C1orf159: variants seen among roughly 807,000 people sequenced by gnomAD.
The protein encoded by C1orf159 is chromosome 1 open reading frame 159, also known as uncharacterized protein C1orf159.
C1orf159 carries 19 observed loss-of-function variants against 25.6 expected under a neutral mutation model. That is an observed-to-expected ratio of 0.74 (90% CI 0.52 to 1.09). The LOEUF (loss-of-function observed/expected upper bound fraction) is 1.09. Among genes scored for constraint, C1orf159 ranks in the 50% least tolerant of loss-of-function variants. The pLI is 0.00. For missense variants in C1orf159, 274 were observed against 290.6 expected (o/e 0.94, Z 0.42); for synonymous variants, 139 against 124.7 (o/e 1.12, Z -0.77).
rs1255752075 is a variant in C1orf159 at position 1,087,215 on chromosome 1, G to C, written c.245-11C>G. The C allele has an allele frequency of 3.1e-6, 5 of 1,602,940 alleles. No individual in the cohort carries two copies. Among genetic ancestry groups the C allele is most frequent in the Non-Finnish European group, 4.3e-6 (5 of 1,175,448 alleles). Reference sequence around the variant, plus strand: ...CACCCGGGCCAGCAACTGTGGGATAGCAGAACTGTGGGAAGCCTGTGTGCA... The same window carrying C: ...CACCCGGGCCAGCAACTGTGGGATACCAGAACTGTGGGAAGCCTGTGTGCA... On this transcript the variant is annotated splice_polypyrimidine_tract_variant and intron_variant, in intron 5 of 9. Transcript: ENST00000421241. This position sits in a 1 kb window ranked among gnomAD's most constrained non-coding sequence, Gnocchi z 8.3.
chr1:1,089,890 C>T lies in C1orf159; in HGVS notation c.148+463G>A, dbSNP rs72631896. ...GAACCTCTGATGAACAGGGCCTGCC[C>T]GTGGCACGCTGACACAGGCCGGCAT... On this transcript the variant is annotated intron_variant, in intron 4 of 9. Coordinates refer to ENST00000421241, the MANE Select transcript of C1orf159 (RefSeq NM_017891.5). The surrounding 1 kb of genome is among the most constrained non-coding windows in gnomAD (Gnocchi z 7.5). 0.052 allele frequency among the ~76,000 whole-genome samples: 7,899 copies of T among 152,306 alleles called. 292 individuals carry two copies. The highest frequency in any genetic ancestry group is 0.085 in the Non-Finnish European group (5,799 of 68,024).
At chr1:1,099,571 TC>T (rs1296669251) in intron 1 of C1orf159, among the ~76,000 whole-genome samples, 1 of 150,688 alleles carries the variant, frequency 6.6e-6, no homozygotes, top group East Asian at 2.0e-4. Context: ...GGTTAAAATC[TC>T]CGACTATGAT....
intron 9 of C1orf159, 48 bp from the exon 10 acceptor site, chr1:1,083,035 A>C: frequency 2.7e-6 from 4 of 1,482,040 alleles, no homozygotes; most frequent in South Asian, 2.5e-5. Context: ...CCTGGACAGC[A>C]GGGACAGTGC....
At chr1:1,092,802 G>A (rs1335728447) in intron 1 of C1orf159, 2 of 152,402 alleles carry the variant, frequency 1.3e-5, no homozygotes, top group African/African-American at 2.4e-5. Context: ...GTGTGAGCCT[G>A]CCGGAGGACT....
At position 1,085,996 on chromosome 1, in the gene C1orf159, G is replaced by A. The variant is rs759835194; in HGVS notation, c.327C>T (p.Ala109=). 1.2e-5 allele frequency: 20 copies of A among 1,612,962 alleles called. No individual in the cohort carries two copies. The highest frequency in any genetic ancestry group is 4.5e-5 in the East Asian group (2 of 44,884). ...AGAACGTGCCCAGGAAGAGGGAGGC[G>A]GCCACGCGCGGAGCCCCTGCAAACA... ...GRPHPGAPRV[A]ASLFLGTFFI... is the part of the protein sequence containing the mutation. Residue 109 remains alanine (A), a synonymous_variant, in exon 7 of 10, where the codon GCC becomes GCT. Transcript: ENST00000421241.
intron 1 of C1orf159, chr1:1,115,140 G>A (rs1646316238): frequency 6.6e-6 from 1 of 151,396 alleles, no homozygotes; most frequent in Non-Finnish European, 1.5e-5. Flanking sequence ...ACAGGACGAG[G>A]CGGCTAAGAA....
intron 1 of C1orf159, among the ~76,000 whole-genome samples, chr1:1,111,353 T>C (rs1179185631): frequency 7.4e-6 from 1 of 134,542 alleles, no homozygotes; most frequent in Admixed American, 7.5e-5. Flanking sequence ...CAGAGTGAGA[T>C]CTCATCTCTA....
chr1:1,090,668 G>GC, intron 3 of C1orf159: 1 of 690,876 alleles, frequency 1.4e-6, no homozygotes, highest in Non-Finnish European at 2.5e-6. Flanking sequence ...GAAAAGCTGG[G>GC]CCTGGAAGAG....
At position 1,087,192 on chromosome 1, in the gene C1orf159, C is replaced by T. The variant is rs1316883339; in HGVS notation, c.257G>A (p.Gly86Asp). Residue 86 changes from glycine (G) to aspartate (D), a missense_variant, in exon 6 of 10, where the codon GGT becomes GAT. Gly to Asp is a moderately conservative substitution (Grantham distance 94). Transcript: ENST00000421241. This position sits in a 1 kb window ranked among gnomAD's most constrained non-coding sequence, Gnocchi z 8.3. Reference protein sequence around the residue: ...GSECRSFAGPGAPFPMNRSSG... With the variant: ...GSECRSFAGPDAPFPMNRSSG... ...GCTTCTGTTCATGGGGAATGGCGCA[C>T]CCGGGCCAGCAACTGTGGGATAGCA... The T allele has an allele frequency of 6.2e-7, 1 of 1,608,138 alleles. No individual in the cohort carries two copies. Among genetic ancestry groups the T allele is most frequent in the Non-Finnish European group, 8.5e-7 (1 of 1,178,212 alleles).
chr1:1,094,035 T>C (rs941037966), intron 1 of C1orf159, among the ~76,000 whole-genome samples: 2 of 152,048 alleles, frequency 1.3e-5, no homozygotes, highest in African/African-American at 4.8e-5. Context: ...CTTTCTGAAG[T>C]GCCTACTCAC....
chr1:1,108,297 G>GGCA (rs1646205973), intron 1 of C1orf159, among the ~76,000 whole-genome samples: 2 of 67,150 alleles, frequency 3.0e-5, no homozygotes, highest in Non-Finnish European at 6.0e-5. Flanking sequence ...ACCATGTCTC[G>GGCA]GCACCGTTCA....
In C1orf159 at chr1:1,112,085, AT is replaced by A. The variant is rs1465355007; in HGVS notation, c.-136+3974del. Among the ~76,000 whole-genome samples, 5 of 152,302 alleles carry A rather than the reference AT, an allele frequency of 3.3e-5. No individual in the cohort carries two copies. The East Asian group carries it at 9.7e-4, about 29-fold the overall frequency. ...ACGTGAGCAGGGCAGGATCGGGCCC[AT>A]CCCCCCACCGGGAATGTCAGGCCAC... On this transcript the variant is annotated intron_variant, in intron 1 of 9. Coordinates refer to ENST00000421241, the MANE Select transcript of C1orf159 (RefSeq NM_017891.5).
At chr1:1,102,093 AAAAC>A (rs1274356993) in intron 1 of C1orf159, among the ~76,000 whole-genome samples, 1,553 of 141,752 alleles carry the variant, frequency 0.011, 13 homozygotes, top group South Asian at 0.022. Context: ...AAAAAAAAAA[AAAAC>A]AAACTTTTGA....
rs1320473914 is a variant in C1orf159 at position 1,087,876 on chromosome 1, G to A, written c.149-279C>T. ...TCCACGCCGAGCACCCCGGCCCCGA[G>A]TACTCCACGCTGCACTCTCCACGCC... On this transcript the variant is annotated intron_variant, in intron 4 of 9. Transcript: ENST00000421241. The surrounding 1 kb of genome is among the most constrained non-coding windows in gnomAD (Gnocchi z 8.3). Among the ~76,000 whole-genome samples the A allele has an allele frequency of 6.7e-6, 1 of 149,270 alleles. No individual in the cohort carries two copies. The highest frequency in any genetic ancestry group is 1.5e-5 in the Non-Finnish European group (1 of 66,866).
At position 1,087,261 on chromosome 1, in the gene C1orf159, AC is replaced by A. The variant is rs1645846536; in HGVS notation, c.245-58del. The A allele has an allele frequency of 1.6e-5, 24 of 1,499,226 alleles. No individual in the cohort carries two copies. In the South Asian group the frequency reaches 2.3e-4, roughly 14 times the overall value. 92.9% of individuals were successfully genotyped at this position (1,499,226 alleles called of 1,614,324 possible). On this transcript the variant is annotated intron_variant, in intron 5 of 9. Transcript: ENST00000421241. This position sits in a 1 kb window ranked among gnomAD's most constrained non-coding sequence, Gnocchi z 8.3. ...GTGCACGGAGCCCACGGGGACACCCACGTGCACCCTGAAGGGATCTCAGGAC... is the reference window on the plus strand; with the variant it reads ...GTGCACGGAGCCCACGGGGACACCCAGTGCACCCTGAAGGGATCTCAGGAC...
intron 2 of C1orf159, 29 bp from the exon 3 acceptor site, chr1:1,091,594 A>G (rs1382789566): frequency 1.3e-6 from 2 of 1,497,090 alleles, no homozygotes; most frequent in East Asian, 2.5e-5. Flanking sequence ...TGCGGAGCCA[A>G]AGAGATGGAG....
chr1:1,094,983 C>G (rs550630005), intron 1 of C1orf159, among the ~76,000 whole-genome samples: 3 of 152,358 alleles, frequency 2.0e-5, no homozygotes, highest in African/African-American at 7.2e-5. Flanking sequence ...AAAGACTTTT[C>G]TTTCCATGTG....
intron 7 of C1orf159, chr1:1,085,375 G>A: frequency 3.0e-6 from 1 of 336,786 alleles, no homozygotes; most frequent in Admixed American, 3.6e-5. Flanking sequence ...AGGCACCACA[G>A]TCACAAGGCC....
In C1orf159 at chr1:1,091,518, A is replaced by G. The variant is rs1350524025; in HGVS notation, c.26T>C (p.Leu9Pro). 1 of 1,547,130 alleles carries G rather than the reference A, an allele frequency of 6.5e-7. No individual in the cohort carries two copies. The highest frequency in any genetic ancestry group is 1.4e-5 in the African/African-American group (1 of 72,922). Residue 9 changes from leucine (L) to proline (P), a missense_variant, in exon 3 of 10, where the codon CTG (leucine) becomes CCG (proline). Leu to Pro is a moderately conservative substitution (Grantham distance 98). Coordinates refer to ENST00000421241, the MANE Select transcript of C1orf159 (RefSeq NM_017891.5). Reference sequence around the variant, plus strand: ...GGCGACTCCCACGAGAAGGCCAGCCAGGAGGGCGAGGTGCCGCAGCGCCAT... The same window carrying G: ...GGCGACTCCCACGAGAAGGCCAGCCGGGAGGGCGAGGTGCCGCAGCGCCAT... The part of the protein sequence containing the change: MALRHLAL[L>P]AGLLVGVASK...
Sources: gnomAD v4.1 joint callset for allele counts (sites outside exome capture counted in the v4.1 genomes callset) on GRCh38, gnomAD v4.1.1 for gene constraint, Gnocchi (gnomAD v3.1) non-coding constraint, MANE v1.5 for transcripts, NCBI Gene and HGNC (gene_info 2026-07-23, HGNC 2026-07-21) for gene names.